ZC4H2: variants seen among roughly 807,000 people sequenced by gnomAD.
ZC4H2 encodes the protein zinc finger C4H2-type containing, also known as zinc finger C4H2 domain-containing protein.
For missense variants in ZC4H2, 137 were observed against 173.9 expected (o/e 0.79, Z 1.19); for synonymous variants, 84 against 66.3 (o/e 1.27, Z -1.30).
chrX:64,930,697 G>A (rs548585756), intron 1 of ZC4H2, among the ~76,000 whole-genome samples: 1 of 112,025 alleles, frequency 8.9e-6, no homozygotes, highest in South Asian at 3.7e-4. Context: ...AACTATACCT[G>A]CATCCCTATG....
At chrX:65,013,601 G>A (rs1421151738) in intron 1 of ZC4H2, among the ~76,000 whole-genome samples, 1 of 111,129 alleles carries the variant, frequency 9.0e-6, no homozygotes, top group Non-Finnish European at 1.9e-5. Context: ...AACAAGCAAG[G>A]AACTGAGGCC....
intron 1 of ZC4H2, among the ~76,000 whole-genome samples, chrX:65,005,409 G>A (rs1276873421): frequency 9.0e-6 from 1 of 111,003 alleles, no homozygotes; most frequent in Non-Finnish European, 1.9e-5. Flanking sequence ...CAGAACAGAG[G>A]CCTCAGAAAT....
chrX:64,944,497 G>C (rs774036698), intron 1 of ZC4H2, among the ~76,000 whole-genome samples: 1 of 111,176 alleles, frequency 9.0e-6, no homozygotes, highest in Admixed American at 9.6e-5. Context: ...CTTTTTCTCT[G>C]TCTGCCTTTA....
intron 1 of ZC4H2, among the ~76,000 whole-genome samples, chrX:64,990,379 G>A (rs1019004105): frequency 1.8e-5 from 2 of 111,521 alleles, no homozygotes; most frequent in Non-Finnish European, 3.8e-5. Context: ...TGGGAGGGAA[G>A]TAGGTGTGGC....
chrX:64,923,871 C>T (rs989355610), intron 1 of ZC4H2, among the ~76,000 whole-genome samples: 6 of 110,352 alleles, frequency 5.4e-5, no homozygotes, highest in African/African-American at 1.6e-4. Context: ...CCATCCACTA[C>T]TCTATATTGC....
intron 1 of ZC4H2, chrX:64,965,584 T>C (rs1931558954): frequency 3.7e-6 from 1 of 270,314 alleles, no homozygotes; most frequent in African/African-American, 2.9e-5. Flanking sequence ...TTCTCCTAAA[T>C]GGCACAAGAA....
upstream of ZC4H2, chrX:64,976,494 G>T: frequency 1.3e-6 from 1 of 775,696 alleles, no homozygotes; most frequent in Non-Finnish European, 1.9e-6. Flanking sequence ...GTGCGGTAGG[G>T]GCTTGGAGAG....
At chrX:65,007,270 G>A (rs1259182901) in intron 1 of ZC4H2, among the ~76,000 whole-genome samples, 1 of 112,287 alleles carries the variant, frequency 8.9e-6, no homozygotes, top group African/African-American at 3.2e-5. Flanking sequence ...ATTTATCATT[G>A]AAAAGTGGAC....
upstream of ZC4H2, among the ~76,000 whole-genome samples, chrX:64,979,302 G>T (rs1044138341): frequency 1.8e-5 from 2 of 112,408 alleles, no homozygotes. Flanking sequence ...CCAATATAGG[G>T]TGTCTGCAGA....
chrX:65,026,954 T>C (rs923319156), intron 1 of ZC4H2, among the ~76,000 whole-genome samples: 2 of 112,217 alleles, frequency 1.8e-5, no homozygotes, highest in Admixed American at 9.5e-5. Flanking sequence ...CTATGAAGTT[T>C]ATACTGCTCA....
chrX:64,971,940 T>C (rs370718447), intron 1 of ZC4H2, among the ~76,000 whole-genome samples: 11 of 111,690 alleles, frequency 9.8e-5, no homozygotes, highest in African/African-American at 3.3e-4. Context: ...GGATGGCATG[T>C]GCATTTTAAG....
chrX:64,931,024 T>C (rs2147361314), intron 1 of ZC4H2, among the ~76,000 whole-genome samples: 1 of 112,175 alleles, frequency 8.9e-6, no homozygotes, highest in East Asian at 2.8e-4. Context: ...AAAATTACAG[T>C]TTCAATCTTG....
intron 1 of ZC4H2, among the ~76,000 whole-genome samples, chrX:64,999,404 C>T (rs1009366448): frequency 5.3e-5 from 6 of 112,183 alleles, no homozygotes; most frequent in South Asian, 3.7e-4. Context: ...TTGTGCATTC[C>T]GGCACAGATA....
At chrX:65,009,154 A>G (rs1185688570) in intron 1 of ZC4H2, among the ~76,000 whole-genome samples, 2 of 111,810 alleles carry the variant, frequency 1.8e-5, no homozygotes, top group African/African-American at 6.5e-5. Context: ...TAGCAATACA[A>G]GCAAAGTTCT....
chrX:64,951,325 A>G (rs998046295), intron 1 of ZC4H2, among the ~76,000 whole-genome samples: 3 of 111,939 alleles, frequency 2.7e-5, no homozygotes, highest in African/African-American at 6.5e-5. Context: ...CAGTAATGGG[A>G]TGGCTGGGTC....
chrX:64,931,371 T>C (rs1929736226), intron 1 of ZC4H2, among the ~76,000 whole-genome samples: 1 of 111,642 alleles, frequency 9.0e-6, no homozygotes, highest in Admixed American at 9.6e-5. Flanking sequence ...TCTGATCTTG[T>C]TATTTCTTTT....
intron 1 of ZC4H2, among the ~76,000 whole-genome samples, chrX:65,025,423 T>C (rs1932871232): frequency 9.0e-6 from 1 of 111,168 alleles, no homozygotes; most frequent in South Asian, 3.8e-4. Context: ...ATAATCGTAT[T>C]GCTTTCCTTC....
intron 1 of ZC4H2, among the ~76,000 whole-genome samples, chrX:65,023,043 C>A (rs906070004): frequency 2.7e-5 from 3 of 111,596 alleles, no homozygotes; most frequent in Non-Finnish European, 3.8e-5. Context: ...CCAGTACCAT[C>A]CTGTTTTGGT....
intron 1 of ZC4H2, among the ~76,000 whole-genome samples, chrX:65,031,532 A>G (rs1450533049): frequency 1.9e-5 from 2 of 107,915 alleles, no homozygotes; most frequent in East Asian, 2.9e-4. Flanking sequence ...GTGAATAAGG[A>G]AAAAAAAAAG....
Sources: gnomAD v4.1 joint callset for allele counts (sites outside exome capture counted in the v4.1 genomes callset) on GRCh38, gnomAD v4.1.1 for gene constraint, MANE v1.5 for transcripts, NCBI Gene and HGNC (gene_info 2026-07-23, HGNC 2026-07-21) for gene names.